The following PDS5A variants were observed in gnomAD, a reference collection of about 807,000 sequenced individuals.
PDS5A encodes the protein sister chromatid cohesion protein PDS5 homolog A.
In PDS5A, 42 loss-of-function variants were observed where a neutral mutation model predicts 167.1. The observed-to-expected ratio is 0.25, with a 90% CI of 0.20 to 0.33. The LOEUF (loss-of-function observed/expected upper bound fraction) is 0.33, where lower values mean the gene tolerates loss of function less well. Ranked by LOEUF, PDS5A falls within the 10% of genes least tolerant of loss-of-function variation. The pLI is 1.00. For missense variants in PDS5A, 1,033 were observed against 1,605.9 expected, an observed-to-expected ratio of 0.64 and a Z score of 6.10; for synonymous variants, 553 against 554.6, an observed-to-expected ratio of 1.00 and a Z score of 0.04.
chr4:39,903,362 A>G (rs17585757), intron 12 of PDS5A, among the ~76,000 whole-genome samples: 7,466 of 152,290 alleles, frequency 0.049, 289 homozygotes, highest in East Asian at 0.23. Flanking sequence ...CTATTATTTA[A>G]TATCACTGGA....
chr4:39,901,440 T>G, intron 13 of PDS5A, among the ~76,000 whole-genome samples: 1 of 152,168 alleles, frequency 6.6e-6, no homozygotes, highest in South Asian at 2.1e-4. Context: ...ACTAATATTT[T>G]TGTATTTTTA....
chr4:39,847,649 T>C (rs886230525), intron 28 of PDS5A: 1 of 152,158 alleles, frequency 6.6e-6, no homozygotes, highest in Non-Finnish European at 1.5e-5. Context: ...GAGCATACTT[T>C]TGCAAATTCT....
chr4:39,976,432 A>G lies in PDS5A; in HGVS notation c.138+8T>C. On this transcript the variant is annotated splice_region_variant and intron_variant, in intron 2 of 32. Transcript: ENST00000303538. Reference sequence around the variant, plus strand: ...ACCAAAGACATCAAAATCCGTCCAGACACTTACCTTCAGGCGTTTGATCAT... The same window carrying G: ...ACCAAAGACATCAAAATCCGTCCAGGCACTTACCTTCAGGCGTTTGATCAT... 1 of 1,609,634 alleles carries G rather than the reference A, an allele frequency of 6.2e-7. No homozygotes were observed. The highest frequency in any genetic ancestry group is 8.5e-7 in the Non-Finnish European group (1 of 1,176,402).
chr4:39,908,674 AATC>A, intron 10 of PDS5A, 134 bp from the exon 11 acceptor site: 3 of 627,924 alleles, frequency 4.8e-6, no homozygotes, highest in Non-Finnish European at 8.3e-6. Flanking sequence ...CATGAAATTA[AATC>A]ATGTTATTTT....
At chr4:39,881,918 C>T (rs1720965582) in intron 17 of PDS5A, among the ~76,000 whole-genome samples, 1 of 152,158 alleles carries the variant, frequency 6.6e-6, no homozygotes, top group Non-Finnish European at 1.5e-5. Flanking sequence ...TCTTGTGGTA[C>T]TGAATAAATC....
chr4:39,837,785 G>A, intron 32 of PDS5A, 71 bp downstream of exon 32: 3 of 1,126,176 alleles, frequency 2.7e-6, no homozygotes, highest in South Asian at 1.6e-5. Flanking sequence ...TGGGGTGACT[G>A]GCACTAAGAA....
At chr4:39,922,774 AG>A (rs1725107728) in intron 5 of PDS5A, 26 bp from the exon 6 acceptor site, 1 of 1,405,552 alleles carries the variant, frequency 7.1e-7, no homozygotes. Flanking sequence ...AAAAAGAATA[AG>A]TAGTAGGAGG....
intron 6 of PDS5A, among the ~76,000 whole-genome samples, chr4:39,921,066 C>T (rs1724916045): frequency 6.6e-6 from 1 of 152,116 alleles, no homozygotes; most frequent in Admixed American, 6.6e-5. Context: ...CAGATTCATT[C>T]ACCATCATCT....
Position 39,920,358 on chromosome 4 carries a change from CA to C in PDS5A, c.695del (p.Leu232Ter). Reference sequence around the variant, plus strand: ...CCTCAATAGTCTGGACTGTTCTTTTCAATAGCACTTTTGCAAGGTCAAAGGA... The same window carrying C: ...CCTCAATAGTCTGGACTGTTCTTTTCATAGCACTTTTGCAAGGTCAAAGGA... ...KQSFDLAKVL[L>X]KRTVQTIEAC... is the part of the protein sequence containing the mutation. On this transcript the variant is annotated frameshift_variant, in exon 7 of 33. Transcript: ENST00000303538. LOFTEE classifies it high-confidence loss of function. 1 of 1,557,834 alleles carries C rather than the reference CA, an allele frequency of 6.4e-7. No individual in the cohort carries two copies. The highest frequency in any genetic ancestry group is 8.8e-7 in the Non-Finnish European group (1 of 1,132,568).
intron 32 of PDS5A, among the ~76,000 whole-genome samples, chr4:39,829,876 A>G (rs1013939526): frequency 1.5e-5 from 2 of 135,802 alleles, no homozygotes; most frequent in Non-Finnish European, 1.5e-5. Flanking sequence ...GCGTGAGCCC[A>G]GGAGGTGGAG....
At chr4:39,950,930 T>C (rs954947860) in intron 2 of PDS5A, among the ~76,000 whole-genome samples, 2 of 151,470 alleles carry the variant, frequency 1.3e-5, no homozygotes, top group Non-Finnish European at 2.9e-5. Flanking sequence ...ATAGATAGGG[T>C]CTCCCCTCTG....
intron 22 of PDS5A, among the ~76,000 whole-genome samples, chr4:39,868,040 C>T (rs1048451421): frequency 1.3e-5 from 2 of 151,970 alleles, no homozygotes; most frequent in African/African-American, 4.8e-5. Flanking sequence ...GAAAAATGAA[C>T]TGATAGAATA....
At chr4:39,868,761 A>G (rs1232902900) in intron 22 of PDS5A, 1 of 444,358 alleles carries the variant, frequency 2.3e-6, no homozygotes, top group East Asian at 7.1e-5. Context: ...TGAAAAACAA[A>G]TCAAAGTATT....
At chr4:39,936,903 T>C (rs1305406194) in intron 2 of PDS5A, 2 of 152,224 alleles carry the variant, frequency 1.3e-5, no homozygotes, top group East Asian at 1.9e-4. Context: ...AAGAAAAGTA[T>C]GTAACTCAAG....
chr4:39,939,278 A>T (rs1000459046), intron 2 of PDS5A, among the ~76,000 whole-genome samples: 3 of 152,108 alleles, frequency 2.0e-5, no homozygotes, highest in Non-Finnish European at 4.4e-5. Context: ...CCTGGGCAAC[A>T]TAACAAGACC....
At chr4:39,905,222 C>T (rs1436013547) in intron 11 of PDS5A, among the ~76,000 whole-genome samples, 2 of 152,074 alleles carry the variant, frequency 1.3e-5, no homozygotes, top group African/African-American at 4.8e-5. Flanking sequence ...AACCTGCCCA[C>T]TCAAACAGAG....
intron 28 of PDS5A, chr4:39,848,649 A>G (rs1393202036): frequency 4.0e-6 from 2 of 500,618 alleles, no homozygotes; most frequent in East Asian, 3.6e-5. Flanking sequence ...TAGAATAAAC[A>G]TAAGATCAAC....
At chr4:39,976,324 G>A (rs534319161) in intron 2 of PDS5A, 116 bp downstream of exon 2, 50 of 702,766 alleles carry the variant, frequency 7.1e-5, no homozygotes, top group Non-Finnish European at 1.0e-4. Flanking sequence ...GTACCTTTCA[G>A]AGGGGGTAAG....
intron 2 of PDS5A, among the ~76,000 whole-genome samples, chr4:39,944,148 C>T (rs1479429664): frequency 7.1e-6 from 1 of 141,114 alleles, no homozygotes; most frequent in African/African-American, 2.7e-5. Flanking sequence ...CACTGCAGTC[C>T]AGCCTGGGAA....
Sources: allele counts gnomAD v4.1 joint callset (sites outside exome capture counted in the v4.1 genomes callset), GRCh38; gene constraint gnomAD v4.1.1; transcripts MANE v1.5; gene names NCBI Gene and HGNC (gene_info 2026-07-23, HGNC 2026-07-21).